The following NEGR1 variants were observed in gnomAD, a reference collection of about 807,000 sequenced individuals.
The protein encoded by NEGR1 is neuronal growth regulator 1.
Under a neutral mutation model 40.9 loss-of-function variants are expected in NEGR1, and 10 were observed. The ratio of observed to expected loss-of-function variants is 0.24; its 90% confidence interval spans 0.15 to 0.42. The LOEUF is 0.42. NEGR1 is among the 10% of genes least tolerant of loss of function. The probability of loss-of-function intolerance (pLI) is 1.00; values close to 1 mark genes in which losing one functional copy is unlikely to be tolerated. For synonymous variants in NEGR1, 185 were observed against 166.8 expected, an observed-to-expected ratio of 1.11 and a Z score of -0.84; for missense variants, 352 against 438.9, an observed-to-expected ratio of 0.80 and a Z score of 1.77.
At chr1:71,545,709 A>G (rs1647872758) in intron 6 of NEGR1, among the ~76,000 whole-genome samples, 1 of 151,638 alleles carries the variant, frequency 6.6e-6, no homozygotes, top group Non-Finnish European at 1.5e-5. Context: ...GGAGCAGGGC[A>G]TTACTGGCAG....
intron 2 of NEGR1, among the ~76,000 whole-genome samples, chr1:71,804,231 T>C (rs1044148570): frequency 6.6e-6 from 1 of 152,210 alleles, no homozygotes; most frequent in South Asian, 2.1e-4. Flanking sequence ...TTTCATGTTT[T>C]ATAAAGTTGA....
chr1:71,747,534 C>G (rs1316650966), intron 3 of NEGR1, among the ~76,000 whole-genome samples: 4 of 151,894 alleles, frequency 2.6e-5, no homozygotes, highest in South Asian at 2.1e-4. Flanking sequence ...GAGCGATTCT[C>G]CTGCCTCAGC....
intron 6 of NEGR1, among the ~76,000 whole-genome samples, chr1:71,522,854 G>C (rs970604475): frequency 3.3e-5 from 5 of 151,638 alleles, no homozygotes; most frequent in African/African-American, 4.8e-5. Context: ...TGTTGAGCCA[G>C]ATACAATAAA....
chr1:72,194,690 T>C (rs924908033), intron 1 of NEGR1, among the ~76,000 whole-genome samples: 2 of 152,056 alleles, frequency 1.3e-5, no homozygotes, highest in African/African-American at 4.8e-5. Context: ...TTTTGGGAAA[T>C]TGAATTTGCT....
At chr1:71,497,625 A>G (rs1354177509) in intron 6 of NEGR1, among the ~76,000 whole-genome samples, 1 of 152,090 alleles carries the variant, frequency 6.6e-6, no homozygotes, top group African/African-American at 2.4e-5. Flanking sequence ...TCAGCATATA[A>G]TCTATAGTTT....
intron 2 of NEGR1, among the ~76,000 whole-genome samples, chr1:71,803,999 T>C (rs1179060524): frequency 6.6e-6 from 1 of 152,068 alleles, no homozygotes; most frequent in Non-Finnish European, 1.5e-5. Flanking sequence ...AAGGCCTATA[T>C]GGTAAATATA....
At chr1:72,012,391 G>A (rs1307365517) in intron 1 of NEGR1, among the ~76,000 whole-genome samples, 2 of 152,010 alleles carry the variant, frequency 1.3e-5, no homozygotes, top group Non-Finnish European at 2.9e-5. Flanking sequence ...TATTATAAAA[G>A]TGTCACAGGA....
chr1:72,243,957 G>A (rs1436796376), intron 1 of NEGR1, among the ~76,000 whole-genome samples: 2 of 151,720 alleles, frequency 1.3e-5, no homozygotes, highest in Non-Finnish European at 3.0e-5. Flanking sequence ...TAGGTTAATA[G>A]GTGATTTATA....
At chr1:72,049,150 C>T (rs1023237298) in intron 1 of NEGR1, among the ~76,000 whole-genome samples, 19 of 151,260 alleles carry the variant, frequency 1.3e-4, no homozygotes, top group Non-Finnish European at 2.4e-4. Flanking sequence ...CACAGCAAGA[C>T]GTCTCTAAAG....
chr1:71,750,282 C>T (rs374806023), intron 3 of NEGR1, among the ~76,000 whole-genome samples: 3 of 152,134 alleles, frequency 2.0e-5, no homozygotes, highest in Non-Finnish European at 4.4e-5. Flanking sequence ...CGTGAGCCAC[C>T]GCGCCCGGCC....
chr1:71,946,028 G>A (rs1189340212), intron 1 of NEGR1, among the ~76,000 whole-genome samples: 2 of 151,964 alleles, frequency 1.3e-5, no homozygotes, highest in Non-Finnish European at 2.9e-5. Flanking sequence ...GTAAGTAAAG[G>A]GTTACCAATT....
intron 1 of NEGR1, among the ~76,000 whole-genome samples, chr1:72,152,133 A>T (rs1201867860): frequency 6.6e-6 from 1 of 151,902 alleles, no homozygotes; most frequent in African/African-American, 2.4e-5. Flanking sequence ...TTAAGCATAA[A>T]ATGGATCTAA....
At chr1:71,955,476 G>C (rs910437847) in intron 1 of NEGR1, among the ~76,000 whole-genome samples, 1 of 151,968 alleles carries the variant, frequency 6.6e-6, no homozygotes, top group Admixed American at 6.6e-5. Context: ...AGGCAACCTC[G>C]ACCACCAAAA....
chr1:71,871,093 T>C (rs1043661300), intron 2 of NEGR1, among the ~76,000 whole-genome samples: 2 of 152,194 alleles, frequency 1.3e-5, no homozygotes, highest in Admixed American at 1.3e-4. Context: ...TTCTTCTCTG[T>C]CTTTGAGATT....
intron 6 of NEGR1, among the ~76,000 whole-genome samples, chr1:71,579,620 T>TTG (rs1553151466): frequency 6.7e-6 from 1 of 150,072 alleles, no homozygotes; most frequent in African/African-American, 2.5e-5. Context: ...TTTTTTTTTT[T>TTG]GTAGTGGAGA....
chr1:72,029,395 G>C (rs1646838648), intron 1 of NEGR1, among the ~76,000 whole-genome samples: 1 of 152,118 alleles, frequency 6.6e-6, no homozygotes, highest in African/African-American at 2.4e-5. Context: ...TAATGATCAA[G>C]GTATAAGAAA....
rs150442840 is a variant in NEGR1 at position 72,126,532 on chromosome 1, G to T, written c.176+155787C>A. On this transcript the variant is annotated intron_variant, in intron 1 of 6. Transcript: ENST00000357731. ...AGCAGCACCATACTATGACACAAACGTAAAACCAGATTTCAAGTTCTACCT... is the reference window on the plus strand; with the variant it reads ...AGCAGCACCATACTATGACACAAACTTAAAACCAGATTTCAAGTTCTACCT... Among the ~76,000 whole-genome samples, 157 of 152,150 alleles carry T rather than the reference G, an allele frequency of 1.0e-3. 1 individual carries two copies. Among genetic ancestry groups the T allele is most frequent in the Non-Finnish European group, 1.3e-3 (90 of 67,986 alleles).
chr1:71,900,483 GA>G (rs1661114712), intron 2 of NEGR1, among the ~76,000 whole-genome samples: 1 of 151,668 alleles, frequency 6.6e-6, no homozygotes, highest in African/African-American at 2.4e-5. Context: ...TTAGTTTTTT[GA>G]AAAAAGAAAT....
In NEGR1 at chr1:71,655,897, C is replaced by G. The variant is rs561491135; in HGVS notation, c.667+42111G>C. ...ATGCCAAGGTCTTCTAAACAGTCACCCTAGCAAGCTTCTGCTTAGTAACAA... is the reference window on the plus strand; with the variant it reads ...ATGCCAAGGTCTTCTAAACAGTCACGCTAGCAAGCTTCTGCTTAGTAACAA... On this transcript the variant is annotated intron_variant, in intron 4 of 6. Transcript: ENST00000357731. 8.5e-5 allele frequency among the ~76,000 whole-genome samples: 13 copies of G among 152,188 alleles called. No individual in the cohort carries two copies. The South Asian group carries it at 2.7e-3, about 32-fold the overall frequency.
Sources: allele counts gnomAD v4.1 joint callset (sites outside exome capture counted in the v4.1 genomes callset), GRCh38; gene constraint gnomAD v4.1.1; transcripts MANE v1.5; gene names NCBI Gene and HGNC (gene_info 2026-07-23, HGNC 2026-07-21).